The following ASPH variants were observed in gnomAD, a reference collection of about 807,000 sequenced individuals.
The protein encoded by ASPH is aspartyl/asparaginyl beta-hydroxylase.
In ASPH, 100 loss-of-function variants were observed where a neutral mutation model predicts 118.4. The observed-to-expected ratio is 0.84, with a 90% CI of 0.72 to 1.00. The LOEUF (loss-of-function observed/expected upper bound fraction) is 1.00, where lower values mean the gene tolerates loss of function less well. Among genes scored for constraint, ASPH ranks in the 50% least tolerant of loss-of-function variants. The probability of loss-of-function intolerance (pLI) is 0.00; values close to 1 mark genes in which losing one functional copy is unlikely to be tolerated. For missense variants in ASPH, 920 were observed against 919.5 expected (o/e 1.00, Z -0.01); for synonymous variants, 315 against 325.6 (o/e 0.97, Z 0.35).
intron 16 of ASPH, 90 bp from the exon 17 acceptor site, chr8:61,567,408 A>T: frequency 7.3e-7 from 1 of 1,369,524 alleles, no homozygotes. Flanking sequence ...ACTTTTGGAC[A>T]TGCTTTAAAA....
At chr8:61,597,329 C>T (rs898163025) in intron 14 of ASPH, among the ~76,000 whole-genome samples, 22 of 151,828 alleles carry the variant, frequency 1.4e-4, no homozygotes, top group African/African-American at 4.8e-4. Flanking sequence ...TCAGTGTGGG[C>T]AACATGGCAA....
chr8:61,522,900 T>C (rs1383168893), intron 22 of ASPH, among the ~76,000 whole-genome samples: 1 of 152,166 alleles, frequency 6.6e-6, no homozygotes, highest in African/African-American at 2.4e-5. Flanking sequence ...TAATCTTAAC[T>C]ATCTCCTTAA....
chr8:61,657,851 C>T (rs1022665603), intron 3 of ASPH: 2 of 152,148 alleles, frequency 1.3e-5, no homozygotes, highest in African/African-American at 4.8e-5. Flanking sequence ...ATACACCTAG[C>T]CCATTAAAAA....
At chr8:61,634,047 T>C (rs1856751592) in intron 12 of ASPH, among the ~76,000 whole-genome samples, 1 of 152,212 alleles carries the variant, frequency 6.6e-6, no homozygotes, top group Non-Finnish European at 1.5e-5. Flanking sequence ...TCAGATTTGA[T>C]AAGAGAGCTG....
chr8:61,576,645 T>C, intron 16 of ASPH, 127 bp downstream of exon 16: 1 of 719,834 alleles, frequency 1.4e-6, no homozygotes, highest in Non-Finnish European at 2.2e-6. Flanking sequence ...TTCTTGCTTA[T>C]GCATATACAT....
chr8:61,608,583 C>A lies in ASPH; in HGVS notation c.976+10395G>T, dbSNP rs28664022. Among the ~76,000 whole-genome samples the A allele has an allele frequency of 5.5e-3, 835 of 152,226 alleles. 9 individuals carry two copies. Among genetic ancestry groups the A allele is most frequent in the African/African-American group, 0.019 (785 of 41,518 alleles). ...GTTGGCTTTATATTTTATTAAAAAA[C>A]CCCTTCAAATCGGATTCAAATATTG... On this transcript the variant is annotated intron_variant, in intron 14 of 24. Coordinates refer to ENST00000379454, the MANE Select transcript of ASPH (RefSeq NM_004318.4).
chr8:61,551,608 T>C (rs1406031055), intron 20 of ASPH, among the ~76,000 whole-genome samples: 2 of 152,228 alleles, frequency 1.3e-5, no homozygotes, highest in African/African-American at 4.8e-5. Flanking sequence ...GCCCTTGAAG[T>C]AACGGCTGTT....
At chr8:61,705,576 T>C (rs914717916) in intron 1 of ASPH, among the ~76,000 whole-genome samples, 1 of 152,144 alleles carries the variant, frequency 6.6e-6, no homozygotes, top group African/African-American at 2.4e-5. Flanking sequence ...CACTAATCTA[T>C]GATCAAAAAA....
Position 61,553,070 on chromosome 8 carries a change from G to A in ASPH, c.1587C>T (p.Phe529=). ...CCCTCTGCATGGCATCCCCCAGGTGGAAATAAAATCTCCCATCATCAGTGC... is the reference window on the plus strand; with the variant it reads ...CCCTCTGCATGGCATCCCCCAGGTGAAAATAAAATCTCCCATCATCAGTGC... ...DPGTDDGRFY[F]HLGDAMQRVG... The change falls in exon 20 of 25, where the codon TTC becomes TTT. Residue 529 remains phenylalanine, a synonymous_variant. Coordinates refer to ENST00000379454, the MANE Select transcript of ASPH (RefSeq NM_004318.4). The A allele has an allele frequency of 6.2e-7, 1 of 1,613,648 alleles. No homozygotes were observed. The highest frequency in any genetic ancestry group is 8.5e-7 in the Non-Finnish European group (1 of 1,179,710).
intron 1 of ASPH, among the ~76,000 whole-genome samples, chr8:61,712,187 C>A (rs1784609115): frequency 6.6e-6 from 1 of 152,168 alleles, no homozygotes; most frequent in African/African-American, 2.4e-5. Flanking sequence ...CAGTATGACA[C>A]TGCTAAAAAG....
chr8:61,510,269 AGAG>A (rs1413748493), intron 24 of ASPH, among the ~76,000 whole-genome samples: 1 of 152,224 alleles, frequency 6.6e-6, no homozygotes, highest in Non-Finnish European at 1.5e-5. Flanking sequence ...TAAGTTGTAT[AGAG>A]TTACTCTTTA....
intron 1 of ASPH, among the ~76,000 whole-genome samples, chr8:61,708,746 C>T (rs1305647033): frequency 6.6e-6 from 1 of 152,258 alleles, no homozygotes; most frequent in East Asian, 1.9e-4. Context: ...GTCTTAAGTA[C>T]AGGATGAGTC....
rs548379568 is a variant in ASPH, at chr8:61,569,986, T to G, written c.1150-2668A>C. Among the ~76,000 whole-genome samples, 70 of 141,548 alleles carry G rather than the reference T, an allele frequency of 4.9e-4. No individual in the cohort carries two copies. In the South Asian group the frequency reaches 0.015, roughly 31 times the overall value. The allele number at this position is 141,548 out of a possible 152,430, so 92.9% of individuals were successfully genotyped here. A position where few individuals can be genotyped will look rare whatever the true frequency, so the allele number is the denominator to read the frequency against. Reference sequence around the variant, plus strand: ...AGAATATGAATGTTGATAGATAACTTTGCAAAACACAGAGTTCTAGACCTG... The same window carrying G: ...AGAATATGAATGTTGATAGATAACTGTGCAAAACACAGAGTTCTAGACCTG... On this transcript the variant is annotated intron_variant, in intron 16 of 24. Transcript: ENST00000379454.
intron 13 of ASPH, chr8:61,624,957 A>G: frequency 2.0e-6 from 2 of 985,008 alleles, no homozygotes; most frequent in Non-Finnish European, 1.2e-6. Context: ...CCCATGCAGG[A>G]CTCACTACAT....
intron 1 of ASPH, 143 bp from the exon 2 acceptor site, chr8:61,684,331 C>G (rs926609228): frequency 1.3e-4 from 112 of 834,428 alleles, no homozygotes; most frequent in Non-Finnish European, 1.8e-4. Context: ...TCTCAAAACA[C>G]GTCACACAAA....
intron 13 of ASPH, chr8:61,625,891 A>T: frequency 9.8e-7 from 1 of 1,017,682 alleles, no homozygotes; most frequent in Non-Finnish European, 1.2e-6. Context: ...AATTACTAAT[A>T]ATATATGAAA....
intron 14 of ASPH, among the ~76,000 whole-genome samples, chr8:61,597,081 T>G (rs1034950577): frequency 3.3e-5 from 5 of 149,896 alleles, no homozygotes; most frequent in African/African-American, 1.2e-4. Context: ...ACTAAAGAAT[T>G]CAATGAGTGA....
intron 10 of ASPH, among the ~76,000 whole-genome samples, chr8:61,642,368 G>A (rs1805559357): frequency 6.6e-6 from 1 of 152,206 alleles, no homozygotes; most frequent in Admixed American, 6.5e-5. Context: ...GCCTCCTAAG[G>A]CAACTTGTAA....
chr8:61,585,451 C>T lies in ASPH; in HGVS notation c.977-1422G>A, dbSNP rs189043558. On this transcript the variant is annotated intron_variant, in intron 14 of 24. Coordinates refer to ENST00000379454, the MANE Select transcript of ASPH (RefSeq NM_004318.4). ...AATTTTCTGACAATAAACCTACAGA[C>T]GTTAATAGCTTCTTCCCTATCTTGT... Among the ~76,000 whole-genome samples, 17 of 152,288 alleles carry T rather than the reference C, an allele frequency of 1.1e-4. No homozygotes were observed. The East Asian group carries it at 3.3e-3, about 29-fold the overall frequency.
Sources: allele counts gnomAD v4.1 joint callset (sites outside exome capture counted in the v4.1 genomes callset), GRCh38; gene constraint gnomAD v4.1.1; transcripts MANE v1.5; gene names NCBI Gene and HGNC (gene_info 2026-07-23, HGNC 2026-07-21).